RNF150: variants seen among roughly 807,000 people sequenced by gnomAD.
The protein encoded by RNF150 is ring finger protein 150.
RNF150 carries 24 observed loss-of-function variants against 39.3 expected under a neutral mutation model. The observed-to-expected ratio is 0.61, with a 90% CI of 0.44 to 0.86. RNF150 has a LOEUF of 0.86. Among genes scored for constraint, RNF150 ranks in the 40% least tolerant of loss-of-function variants. The probability of loss-of-function intolerance (pLI) is 0.00; values close to 1 mark genes in which losing one functional copy is unlikely to be tolerated. For missense variants in RNF150, 502 were observed against 587.8 expected (o/e 0.85, Z 1.51); for synonymous variants, 255 against 227.3 (o/e 1.12, Z -1.10).
intron 1 of RNF150, among the ~76,000 whole-genome samples, chr4:141,090,705 G>A (rs1184488441): frequency 6.6e-6 from 1 of 152,170 alleles, no homozygotes; most frequent in Non-Finnish European, 1.5e-5. Context: ...AAGTCAAGAA[G>A]ACACAACGTA....
chr4:141,146,848 CCTT>C (rs911272235), intron 1 of RNF150, among the ~76,000 whole-genome samples: 4 of 152,150 alleles, frequency 2.6e-5, no homozygotes, highest in Non-Finnish European at 5.9e-5. Context: ...ATCAACAATA[CCTT>C]CTTTCCACTC....
intron 1 of RNF150, among the ~76,000 whole-genome samples, chr4:141,051,330 C>T (rs919283465): frequency 4.6e-5 from 7 of 152,178 alleles, no homozygotes; most frequent in African/African-American, 1.2e-4. Flanking sequence ...TAACATTTGG[C>T]TCCTCATTAC....
chr4:141,118,701 A>G (rs1309060248), intron 1 of RNF150, among the ~76,000 whole-genome samples: 1 of 152,174 alleles, frequency 6.6e-6, no homozygotes, highest in Non-Finnish European at 1.5e-5. Context: ...TTGCTAAATC[A>G]AACCACCAAT....
chr4:141,002,765 T>C (rs980802993), intron 1 of RNF150, among the ~76,000 whole-genome samples: 1 of 152,276 alleles, frequency 6.6e-6, no homozygotes, highest in South Asian at 2.1e-4. Context: ...CAAAATGACC[T>C]GTGTTCTTGT....
intron 1 of RNF150, among the ~76,000 whole-genome samples, chr4:141,175,375 GA>G (rs1220138270): frequency 5.3e-5 from 8 of 152,204 alleles, no homozygotes; most frequent in Non-Finnish European, 1.0e-4. Flanking sequence ...GAGTTCTAGT[GA>G]GAAGAGAGAA....
chr4:140,891,228 G>C lies in RNF150; in HGVS notation c.1198+19916C>G, dbSNP rs151117159. On this transcript the variant is annotated intron_variant, in intron 6 of 6. Transcript: ENST00000515673. The stretch of plus-strand genomic sequence containing the variant: ...ATCACCATCCATTATATTTGATTTA[G>C]TTTCCAATGTTCTTGAACACATTTG... Among the ~76,000 whole-genome samples the C allele has an allele frequency of 7.8e-4, 118 of 152,252 alleles. 1 individual carries two copies. Among genetic ancestry groups the C allele is most frequent in the African/African-American group, 2.6e-3 (107 of 41,546 alleles).
intron 4 of RNF150, among the ~76,000 whole-genome samples, chr4:140,937,227 C>T (rs1413825463): frequency 6.6e-6 from 1 of 152,098 alleles, no homozygotes; most frequent in Non-Finnish European, 1.5e-5. Flanking sequence ...TAAAAACGAA[C>T]TATTATGCAA....
At position 140,999,993 on chromosome 4, in the gene RNF150, AAAG is replaced by A. The variant is rs1169596089; in HGVS notation, c.485-32123_485-32121del. Among the ~76,000 whole-genome samples the A allele has an allele frequency of 6.8e-4, 43 of 63,344 alleles. 1 individual carries two copies. The highest frequency in any genetic ancestry group is 2.1e-3 in the African/African-American group (40 of 18,916). 41.6% of individuals were successfully genotyped at this position (63,344 alleles called of 152,430 possible). A position where few individuals can be genotyped will look rare whatever the true frequency, so the allele number is the denominator to read the frequency against. On this transcript the variant is annotated intron_variant, in intron 1 of 6. Transcript: ENST00000515673. ...AGAAGAAGAAAAGAAGAAAAGAAGA[AAAG>A]AAGAAGAAGAAGAAGAAGAAGAAGA...
rs575701332 is a variant in RNF150 at position 140,932,889 on chromosome 4, C to A, written c.891-6816G>T. On this transcript the variant is annotated intron_variant, in intron 4 of 6. Transcript: ENST00000515673. ...ATGTTTGAGATAGTGACTGCTTTGTCAGCCTGACTGCCATGAGTAGATACC... is the reference window on the plus strand; with the variant it reads ...ATGTTTGAGATAGTGACTGCTTTGTAAGCCTGACTGCCATGAGTAGATACC... 2.0e-5 allele frequency among the ~76,000 whole-genome samples: 3 copies of A among 152,326 alleles called. No homozygotes were observed. The East Asian group carries it at 5.8e-4, about 29-fold the overall frequency.
At chr4:141,008,991 A>G (rs1734968804) in intron 1 of RNF150, among the ~76,000 whole-genome samples, 1 of 152,188 alleles carries the variant, frequency 6.6e-6, no homozygotes, top group South Asian at 2.1e-4. Context: ...TATTATGTCA[A>G]CATTTCAATT....
At chr4:140,986,201 G>A (rs1425663287) in intron 1 of RNF150, among the ~76,000 whole-genome samples, 1 of 152,032 alleles carries the variant, frequency 6.6e-6, no homozygotes, top group Admixed American at 6.6e-5. Flanking sequence ...TGCTCTGCCT[G>A]AACAAGGAAG....
intron 1 of RNF150, among the ~76,000 whole-genome samples, chr4:140,976,093 A>G (rs1360456862): frequency 6.6e-6 from 1 of 152,056 alleles, no homozygotes; most frequent in East Asian, 1.9e-4. Context: ...TTTCCTATGA[A>G]GACACTGATT....
chr4:140,878,011 C>T (rs1729223595), intron 6 of RNF150, among the ~76,000 whole-genome samples: 1 of 152,096 alleles, frequency 6.6e-6, no homozygotes, highest in African/African-American at 2.4e-5. Flanking sequence ...GTCACTGTGG[C>T]TCCTGAAGTG....
intron 4 of RNF150, 63 bp from the exon 5 acceptor site, chr4:140,926,136 GC>G: frequency 8.6e-7 from 1 of 1,167,788 alleles, no homozygotes; most frequent in Non-Finnish European, 1.3e-6. Context: ...GTCCACCATG[GC>G]CCAGGGACTC....
In RNF150 at chr4:140,868,211, C is replaced by T. The variant is rs1209778791; in HGVS notation, c.*50G>A. The T allele has an allele frequency of 9.3e-7, 1 of 1,074,084 alleles. No individual in the cohort carries two copies. The highest frequency in any genetic ancestry group is 1.5e-6 in the Non-Finnish European group (1 of 689,174). 66.5% of individuals were successfully genotyped at this position (1,074,084 alleles called of 1,614,324 possible). A position where few individuals can be genotyped will look rare whatever the true frequency, so the allele number is the denominator to read the frequency against. On this transcript the variant is annotated 3_prime_UTR_variant, in exon 7 of 7. Coordinates refer to ENST00000515673, the MANE Select transcript of RNF150 (RefSeq NM_020724.2). Reference sequence around the variant, plus strand: ...TGGTCCAAGTCTTGGAGCACTCTTCCCTTCCTTTCCCTTGGGTCCTACTAT... The same window carrying T: ...TGGTCCAAGTCTTGGAGCACTCTTCTCTTCCTTTCCCTTGGGTCCTACTAT...
intron 6 of RNF150, among the ~76,000 whole-genome samples, chr4:140,875,949 C>G (rs1374418957): frequency 6.6e-6 from 1 of 152,172 alleles, no homozygotes; most frequent in African/African-American, 2.4e-5. Flanking sequence ...GGCATAAGTC[C>G]TCCTCTGTTA....
chr4:140,895,559 C>T (rs1386010830), intron 6 of RNF150, among the ~76,000 whole-genome samples: 1 of 152,148 alleles, frequency 6.6e-6, no homozygotes, highest in African/African-American at 2.4e-5. Context: ...TTACCTCCTG[C>T]CAATTATCAG....
intron 1 of RNF150, among the ~76,000 whole-genome samples, chr4:141,199,942 T>G (rs1728264968): frequency 6.6e-6 from 1 of 152,208 alleles, no homozygotes; most frequent in Non-Finnish European, 1.5e-5. Context: ...AATAAAAGTA[T>G]GGACTTTTTA....
rs193279926 is a variant in RNF150 at position 140,981,940 on chromosome 4, T to G, written c.485-14067A>C. Among the ~76,000 whole-genome samples the G allele has an allele frequency of 1.1e-3, 166 of 152,328 alleles. 1 individual carries two copies. The highest frequency in any genetic ancestry group is 3.9e-3 in the African/African-American group (163 of 41,586). ...TTTCATAAACAAACATGATTTCATC[T>G]TGTTATGAATGCATGCTGCTCTAGT... On this transcript the variant is annotated intron_variant, in intron 1 of 6. Transcript: ENST00000515673.
Sources: gnomAD v4.1 joint callset for allele counts (sites outside exome capture counted in the v4.1 genomes callset) on GRCh38, gnomAD v4.1.1 for gene constraint, MANE v1.5 for transcripts, NCBI Gene and HGNC (gene_info 2026-07-23, HGNC 2026-07-21) for gene names.